Variants in DNAH5 observed in about 807,000 individuals in gnomAD.
The protein encoded by DNAH5 is dynein axonemal heavy chain 5.
A neutral mutation model predicts 518.2 loss-of-function variants in DNAH5; 372 were observed. The observed-to-expected ratio is 0.72, with a 90% confidence interval of 0.66 to 0.78. DNAH5 has a LOEUF of 0.78. DNAH5 is among the 30% of genes least tolerant of loss of function. The probability of loss-of-function intolerance (pLI) is 0.00; values close to 1 mark genes in which losing one functional copy is unlikely to be tolerated. For missense variants in DNAH5, 5,523 were observed against 5,687.0 expected, an observed-to-expected ratio of 0.97 and a Z score of 0.93; for synonymous variants, 2,039 against 2,025.9, an observed-to-expected ratio of 1.01 and a Z score of -0.17.
intron 53 of DNAH5, among the ~76,000 whole-genome samples, chr5:13,779,443 G>C (rs1246949557): frequency 6.6e-6 from 1 of 152,166 alleles, no homozygotes; most frequent in African/African-American, 2.4e-5. Flanking sequence ...AGGTATCTAT[G>C]GGCCTCCCTC....
At chr5:13,843,300 A>C (rs1212697271) in intron 32 of DNAH5, among the ~76,000 whole-genome samples, 1 of 152,076 alleles carries the variant, frequency 6.6e-6, no homozygotes, top group African/African-American at 2.4e-5. Flanking sequence ...CTGAAACACA[A>C]ATCAGGTCAC....
chr5:13,782,463 C>T (rs1018214507), intron 52 of DNAH5, among the ~76,000 whole-genome samples: 1 of 152,128 alleles, frequency 6.6e-6, no homozygotes, highest in Non-Finnish European at 1.5e-5. Flanking sequence ...TCCTGCTTGT[C>T]CCCTCTATGT....
intron 5 of DNAH5, among the ~76,000 whole-genome samples, 160 bp from the exon 6 acceptor site, chr5:13,920,777 C>T (rs540475002): frequency 6.6e-6 from 1 of 152,246 alleles, no homozygotes; most frequent in African/African-American, 2.4e-5. Context: ...GTCCACGCTG[C>T]CCCCAGACTG....
chr5:13,820,870 C>A (rs1157208691), intron 40 of DNAH5, among the ~76,000 whole-genome samples: 2 of 149,174 alleles, frequency 1.3e-5, no homozygotes, highest in Non-Finnish European at 3.0e-5. Flanking sequence ...CTCAATTTAC[C>A]ATTGTGCCAC....
chr5:13,829,747 C>T (rs1580459127), intron 37 of DNAH5, 43 bp from the exon 38 acceptor site: 1 of 1,539,118 alleles, frequency 6.5e-7, no homozygotes, highest in Non-Finnish European at 9.0e-7. Flanking sequence ...TGCAATCAAG[C>T]ACACATCAGC....
chr5:13,857,786 T>C (rs1325913510), intron 30 of DNAH5, among the ~76,000 whole-genome samples: 1 of 152,154 alleles, frequency 6.6e-6, no homozygotes, highest in South Asian at 2.1e-4. Flanking sequence ...TATTAAATGA[T>C]GTTGGGAAAA....
chr5:13,926,106 C>T (rs1433876069), intron 3 of DNAH5, among the ~76,000 whole-genome samples: 1 of 152,180 alleles, frequency 6.6e-6, no homozygotes, highest in Non-Finnish European at 1.5e-5. Flanking sequence ...AACAGCACCA[C>T]CATGGAGGGC....
At chr5:13,704,550 C>T (rs932193362) in intron 76 of DNAH5, among the ~76,000 whole-genome samples, 6 of 152,194 alleles carry the variant, frequency 3.9e-5, no homozygotes, top group East Asian at 1.9e-4. Flanking sequence ...GGAATTCAGG[C>T]GGAGAAAAGA....
Position 13,769,572 on chromosome 5 carries a change from C to T in DNAH5, c.9649G>A (p.Val3217Ile), listed in dbSNP as rs1753033779. 2 of 1,613,938 alleles carry T rather than the reference C, an allele frequency of 1.2e-6. No individual in the cohort carries two copies. Among genetic ancestry groups the T allele is most frequent in the Admixed American group, 3.3e-5 (2 of 60,000 alleles). Residue 3217 changes from valine to isoleucine, a missense_variant, in exon 57 of 79, where the codon GTT (valine) becomes ATT (isoleucine). Transcript: ENST00000265104. ...LEKLKEASES[V>I]AALSKELEAK... ...TCCAGTTCTTTACTCAAGGCTGCAA[C>T]AGACTCTGAAGCTTCTTTGAGCTTT...
At chr5:13,794,365 T>C (rs1219513871) in intron 47 of DNAH5, among the ~76,000 whole-genome samples, 1 of 152,244 alleles carries the variant, frequency 6.6e-6, no homozygotes, top group Non-Finnish European at 1.5e-5. Flanking sequence ...GGTGACACTA[T>C]GTTCCCCATT....
Position 13,792,075 on chromosome 5 carries a change from A to T in DNAH5, c.8367T>A (p.His2789Gln). 1 of 1,614,048 alleles carries T rather than the reference A, an allele frequency of 6.2e-7. No homozygotes were observed. Among genetic ancestry groups the T allele is most frequent in the East Asian group, 2.2e-5 (1 of 44,872 alleles). ...AAAGATCTCGTAGGTTAAACACATAATGGAATTTTGCAGGGGTAGGAAGCA... is the reference window on the plus strand; with the variant it reads ...AAAGATCTCGTAGGTTAAACACATATTGGAATTTTGCAGGGGTAGGAAGCA... ...IKMLPTPAKF[H>Q]YVFNLRDLSR... The change falls in exon 50 of 79, where the codon CAT becomes CAA. Residue 2789 changes from histidine to glutamine, a missense_variant. His to Gln is a conservative substitution (Grantham distance 24). Transcript: ENST00000265104.
At chr5:13,693,588 C>T (rs144946399) in intron 78 of DNAH5, among the ~76,000 whole-genome samples, 22 of 152,284 alleles carry the variant, frequency 1.4e-4, no homozygotes, top group African/African-American at 4.6e-4. Context: ...TTGCCAATAT[C>T]TGAAGACATT....
At chr5:13,728,453 T>C (rs1746052491) in intron 69 of DNAH5, among the ~76,000 whole-genome samples, 2 of 152,148 alleles carry the variant, frequency 1.3e-5, no homozygotes, top group Non-Finnish European at 2.9e-5. Context: ...AGAATAAAAA[T>C]AATAACTTCT....
rs115505970 is a variant in DNAH5, at chr5:13,844,496, G to A, written c.5271+341C>T. The stretch of plus-strand genomic sequence containing the variant: ...CAGATTAAAACAATTACATCATGAG[G>A]GCAATTCCGTTTAGTTAAGACGCTA... On this transcript the variant is annotated intron_variant, in intron 32 of 78. Coordinates refer to ENST00000265104, the MANE Select transcript of DNAH5 (RefSeq NM_001369.3). Among the ~76,000 whole-genome samples the A allele has an allele frequency of 6.1e-3, 935 of 152,224 alleles. 2 individuals carry two copies. The highest frequency in any genetic ancestry group is 0.01 in the Middle Eastern group (3 of 294).
chr5:13,946,355 T>G (rs536835222), upstream of DNAH5, among the ~76,000 whole-genome samples: 6 of 152,250 alleles, frequency 3.9e-5, no homozygotes, highest in East Asian at 1.2e-3. Context: ...AGCCTTCCAG[T>G]CTGTGTGGCT....
intron 43 of DNAH5, among the ~76,000 whole-genome samples, chr5:13,812,558 G>A (rs554774592): frequency 3.3e-5 from 5 of 152,184 alleles, no homozygotes; most frequent in Admixed American, 1.3e-4. Flanking sequence ...TGCCTGCCTC[G>A]GCCTCCCAAA....
rs545425505 is a variant in DNAH5 at position 13,934,201 on chromosome 5, CT to C, written c.58-2958del. On this transcript the variant is annotated intron_variant, in intron 1 of 78. Coordinates refer to ENST00000265104, the MANE Select transcript of DNAH5 (RefSeq NM_001369.3). The stretch of plus-strand genomic sequence containing the variant: ...GAGACCACATGGAGGAGAACAAAAC[CT>C]TCTGGTCAGCGGTACCATCTGACCT... Among the ~76,000 whole-genome samples the C allele has an allele frequency of 2.4e-4, 37 of 152,290 alleles. No individual in the cohort carries two copies. The South Asian group carries it at 5.6e-3, about 23-fold the overall frequency.
At chr5:13,970,877 T>C (rs926036833) in intron 1 of DNAH5, among the ~76,000 whole-genome samples, 4 of 152,218 alleles carry the variant, frequency 2.6e-5, no homozygotes, top group African/African-American at 7.2e-5. Context: ...CCCCCAAATA[T>C]GTTTTCCAAA....
chr5:13,733,039 T>C (rs912106145), intron 68 of DNAH5, among the ~76,000 whole-genome samples: 1 of 152,062 alleles, frequency 6.6e-6, no homozygotes, highest in Non-Finnish European at 1.5e-5. Flanking sequence ...CATACAAGCA[T>C]CAGACTAATC....
Sources: gnomAD v4.1 joint callset for allele counts (sites outside exome capture counted in the v4.1 genomes callset) on GRCh38, gnomAD v4.1.1 for gene constraint, MANE v1.5 for transcripts, NCBI Gene and HGNC (gene_info 2026-07-23, HGNC 2026-07-21) for gene names.